Variants in ANTXR1 observed in about 807,000 individuals in gnomAD.
The protein encoded by ANTXR1 is ANTXR cell adhesion molecule 1.
Under a neutral mutation model 78.1 loss-of-function variants are expected in ANTXR1, and 19 were observed. The ratio of observed to expected loss-of-function variants is 0.24; its 90% CI spans 0.17 to 0.36. ANTXR1 has a LOEUF of 0.36. Ranked by LOEUF, ANTXR1 falls within the 10% of genes least tolerant of loss-of-function variation. ANTXR1 has a pLI of 1.00. For missense variants in ANTXR1, 518 were observed against 718.6 expected (o/e 0.72, Z 3.19); for synonymous variants, 273 against 260.5 (o/e 1.05, Z -0.46).
At chr2:69,144,143 T>A (rs1359728584) in intron 12 of ANTXR1, among the ~76,000 whole-genome samples, 1 of 152,196 alleles carries the variant, frequency 6.6e-6, no homozygotes, top group South Asian at 2.1e-4. Context: ...TAAATTCCAC[T>A]CAGAGCCCTG....
chr2:69,141,549 G>A (rs987729129), intron 12 of ANTXR1, among the ~76,000 whole-genome samples: 4 of 152,256 alleles, frequency 2.6e-5, no homozygotes, highest in East Asian at 1.9e-4. Flanking sequence ...AGTCTGTCTC[G>A]GGTCTCGACA....
At chr2:69,156,610 G>A (rs1484017002) in intron 13 of ANTXR1, among the ~76,000 whole-genome samples, 8 of 152,230 alleles carry the variant, frequency 5.3e-5, no homozygotes, top group African/African-American at 1.7e-4. Context: ...GCCTCAGGAA[G>A]GTTCCAGTCA....
At position 69,245,405 on chromosome 2, in the gene ANTXR1, A is replaced by G; in HGVS notation, c.1615A>G (p.Thr539Ala). 7.6e-7 allele frequency: 1 copy of G among 1,318,548 alleles called. No homozygotes were observed. Among genetic ancestry groups the G allele is most frequent in the Middle Eastern group, 2.6e-4 (1 of 3,902 alleles). 81.7% of individuals were successfully genotyped at this position (1,318,548 alleles called of 1,614,324 possible). A position where few individuals can be genotyped will look rare whatever the true frequency, so the allele number is the denominator to read the frequency against. The change falls in exon 18 of 18, where the codon ACC becomes GCC. Residue 539 changes from threonine (T) to alanine (A), a missense_variant. Around this residue, in one of 5 missense-constraint regions of ANTXR1, gnomAD observed 192 missense variants for 230.2 expected, o/e 0.83. Coordinates refer to ENST00000303714, the MANE Select transcript of ANTXR1 (RefSeq NM_032208.3). Reference protein sequence around the residue: ...PTPPIPSPPSTLPPPPQAPPP... With the variant: ...PTPPIPSPPSALPPPPQAPPP... ...CCCTCCCATCCCGTCCCCACCTTCC[A>G]CCCTTCCCCCTCCTCCCCAGGCTCC...
chr2:69,195,202 G>T (rs760276066), intron 17 of ANTXR1, among the ~76,000 whole-genome samples: 3 of 148,674 alleles, frequency 2.0e-5, no homozygotes, highest in Non-Finnish European at 4.4e-5. Flanking sequence ...AAAAAAAAAT[G>T]CTCAATCAAT....
intron 12 of ANTXR1, among the ~76,000 whole-genome samples, chr2:69,150,868 A>G (rs1350573287): frequency 6.6e-6 from 1 of 152,018 alleles, no homozygotes; most frequent in Admixed American, 6.6e-5. Flanking sequence ...AAAACAAAAA[A>G]AAATAATTAG....
intron 3 of ANTXR1, among the ~76,000 whole-genome samples, chr2:69,069,500 A>G (rs778450370): frequency 2.6e-5 from 4 of 152,230 alleles, no homozygotes; most frequent in Non-Finnish European, 5.9e-5. Flanking sequence ...AGACAGTGTT[A>G]GGAACTGCCA....
intron 3 of ANTXR1, among the ~76,000 whole-genome samples, chr2:69,067,807 C>T (rs1027624640): frequency 6.6e-6 from 1 of 152,226 alleles, no homozygotes; most frequent in Non-Finnish European, 1.5e-5. Context: ...TTGCTGGTGC[C>T]ATGCACTGCC....
chr2:69,090,189 C>G (rs1671182992), intron 8 of ANTXR1, among the ~76,000 whole-genome samples: 1 of 151,858 alleles, frequency 6.6e-6, no homozygotes, highest in Non-Finnish European at 1.5e-5. Flanking sequence ...GGTCATCTGA[C>G]TATGCAGCTT....
chr2:69,132,864 T>A (rs1170931167), intron 12 of ANTXR1, among the ~76,000 whole-genome samples: 1 of 152,220 alleles, frequency 6.6e-6, no homozygotes, highest in African/African-American at 2.4e-5. Flanking sequence ...GAATAGCCAG[T>A]CCTTGCCCTC....
At chr2:69,226,133 T>C (rs2104515934) in intron 17 of ANTXR1, among the ~76,000 whole-genome samples, 1 of 152,282 alleles carries the variant, frequency 6.6e-6, no homozygotes, top group African/African-American at 2.4e-5. Flanking sequence ...TTGGTAGCCA[T>C]AGCTCGGGGG....
In ANTXR1 at chr2:69,193,508, C is replaced by T. The variant is rs564633812; in HGVS notation, c.1434+93C>T. The T allele has an allele frequency of 2.5e-6, 3 of 1,178,076 alleles. No homozygotes were observed. The East Asian group carries it at 7.3e-5, about 29-fold the overall frequency. The allele number at this position is 1,178,076 out of a possible 1,614,324, so 73.0% of individuals were successfully genotyped here. On this transcript the variant is annotated intron_variant, in intron 17 of 17. Transcript: ENST00000303714. ...ACACACACATATTCTTTTTCTCTCTCCATCTTTGTAGAGCTAAAATAACTT... is the reference window on the plus strand; with the variant it reads ...ACACACACATATTCTTTTTCTCTCTTCATCTTTGTAGAGCTAAAATAACTT...
chr2:69,226,339 C>T (rs1675452236), intron 17 of ANTXR1, among the ~76,000 whole-genome samples: 1 of 152,160 alleles, frequency 6.6e-6, no homozygotes, highest in African/African-American at 2.4e-5. Flanking sequence ...CAGAGAGACT[C>T]CTCCAGGGCC....
At chr2:69,238,732 GAA>G (rs1226215314) in intron 17 of ANTXR1, among the ~76,000 whole-genome samples, 1 of 152,208 alleles carries the variant, frequency 6.6e-6, no homozygotes, top group Non-Finnish European at 1.5e-5. Flanking sequence ...AGGCCAGAGA[GAA>G]AAGGTATTTG....
chr2:69,143,123 G>T (rs1203411961), intron 12 of ANTXR1, among the ~76,000 whole-genome samples: 1 of 152,170 alleles, frequency 6.6e-6, no homozygotes, highest in African/African-American at 2.4e-5. Flanking sequence ...GCCATAAGTG[G>T]CTCCAACTGC....
rs1417937574 is a variant in ANTXR1, at chr2:69,070,714, G to A, written c.364G>A (p.Glu122Lys). The change falls in exon 4 of 18, where the codon GAA becomes AAA. Residue 122 changes from glutamate to lysine, a missense_variant. By Grantham distance (56) the Glu-to-Lys change is moderately conservative. Transcript: ENST00000303714. Reference sequence around the variant, plus strand: ...GCCAGGAGGAGACACTTACATGCATGAAGGATTTGAAAGGGTAATTTTAAA... The same window carrying A: ...GCCAGGAGGAGACACTTACATGCATAAAGGATTTGAAAGGGTAATTTTAAA... ...VLPGGDTYMH[E>K]GFERASEQIY... 6.2e-7 allele frequency: 1 copy of A among 1,614,048 alleles called. No homozygotes were observed. Among genetic ancestry groups the A allele is most frequent in the South Asian group, 1.1e-5 (1 of 91,074 alleles).
intron 17 of ANTXR1, among the ~76,000 whole-genome samples, chr2:69,203,944 C>A (rs989260757): frequency 2.6e-5 from 4 of 152,056 alleles, no homozygotes; most frequent in African/African-American, 9.7e-5. Context: ...ATAAAGCAAC[C>A]CTGTTCAAAT....
intron 3 of ANTXR1, among the ~76,000 whole-genome samples, chr2:69,069,567 C>A (rs1573837020): frequency 6.6e-6 from 1 of 152,184 alleles, no homozygotes. Flanking sequence ...ATGCTAGAGG[C>A]TGCTTTGCAG....
At chr2:69,041,502 G>C (rs1015184581) in intron 2 of ANTXR1, among the ~76,000 whole-genome samples, 3 of 152,204 alleles carry the variant, frequency 2.0e-5, no homozygotes, top group Admixed American at 1.3e-4. Context: ...TCTCTGAAGT[G>C]GAGGAGTCTA....
In ANTXR1 at chr2:69,090,913, G is replaced by A. The variant is rs1461752014; in HGVS notation, c.697G>A (p.Ala233Thr). The change falls in exon 9 of 18, where the codon GCA (alanine) becomes ACA (threonine). Residue 233 changes from alanine to threonine, a missense_variant. By Grantham distance (58) the Ala-to-Thr change is moderately conservative. Coordinates refer to ENST00000303714, the MANE Select transcript of ANTXR1 (RefSeq NM_032208.3). ...ILAAEPSTIC[A>T]GESFQVVVRG... ...AGCAGCTGAACCATCCACCATATGT[G>A]CAGGAGGTAAATTGAAATGAAATGC... The A allele has an allele frequency of 6.2e-7, 1 of 1,612,656 alleles. No individual in the cohort carries two copies. Among genetic ancestry groups the A allele is most frequent in the Non-Finnish European group, 8.5e-7 (1 of 1,179,964 alleles).
Sources: allele counts gnomAD v4.1 joint callset (sites outside exome capture counted in the v4.1 genomes callset), GRCh38; gene constraint gnomAD v4.1.1; regional missense constraint gnomAD v4.1.1; transcripts MANE v1.5; gene names NCBI Gene and HGNC (gene_info 2026-07-23, HGNC 2026-07-21).